GLIS3: variants seen among roughly 807,000 people sequenced by gnomAD.
GLIS3 encodes the protein zinc finger protein GLIS3.
A neutral mutation model predicts 78.6 loss-of-function variants in GLIS3; 53 were observed. The ratio of observed to expected loss-of-function variants is 0.67; its 90% CI spans 0.54 to 0.85. The LOEUF (loss-of-function observed/expected upper bound fraction) is 0.85, where lower values mean the gene tolerates loss of function less well. Ranked by LOEUF, GLIS3 falls within the 40% of genes least tolerant of loss-of-function variation. The pLI is 0.00. For missense variants in GLIS3, 1,703 were observed against 1,231.1 expected (o/e 1.38, Z -5.74); for synonymous variants, 684 against 509.9 (o/e 1.34, Z -4.60).
chr9:4,311,211 C>A (rs868081159), intron 2 of GLIS3, among the ~76,000 whole-genome samples: 1 of 152,150 alleles, frequency 6.6e-6, no homozygotes, highest in Non-Finnish European at 1.5e-5. Flanking sequence ...GAGTTCAAGA[C>A]CAGCCTGGCC....
intron 2 of GLIS3, among the ~76,000 whole-genome samples, chr9:4,332,354 G>A (rs1817699000): frequency 1.3e-5 from 2 of 152,184 alleles, no homozygotes; most frequent in Admixed American, 1.3e-4. Context: ...CTTCCTCTCA[G>A]TGACAGAAGC....
chr9:4,265,897 G>GTTTTTTTT (rs148160187), intron 2 of GLIS3, among the ~76,000 whole-genome samples: 12 of 120,666 alleles, frequency 9.9e-5, no homozygotes, highest in South Asian at 3.1e-4. Context: ...ACTCACCCTG[G>GTTTTTTTT]TTTTTTTTTT....
chr9:3,879,369 T>C, intron 8 of GLIS3, 58 bp downstream of exon 8: 1 of 1,525,808 alleles, frequency 6.6e-7, no homozygotes, highest in Admixed American at 1.7e-5. Flanking sequence ...AAGGCACTTG[T>C]CTGTGAAGGG....
intron 4 of GLIS3, among the ~76,000 whole-genome samples, chr9:4,063,640 A>G (rs1826841549): frequency 6.6e-6 from 1 of 152,232 alleles, no homozygotes; most frequent in Admixed American, 6.5e-5. Flanking sequence ...ACTCACTACT[A>G]GAACTCAATA....
chr9:4,091,907 G>T (rs1307775367), intron 4 of GLIS3, among the ~76,000 whole-genome samples: 1 of 152,000 alleles, frequency 6.6e-6, no homozygotes, highest in Non-Finnish European at 1.5e-5. Context: ...CACAGAAAAG[G>T]TACAGTAAAA....
At chr9:4,088,950 G>C (rs1465204790) in intron 4 of GLIS3, among the ~76,000 whole-genome samples, 1 of 152,216 alleles carries the variant, frequency 6.6e-6, no homozygotes, top group African/African-American at 2.4e-5. Context: ...GGAATAGACA[G>C]CTCCTCAGAT....
intron 4 of GLIS3, among the ~76,000 whole-genome samples, chr9:4,081,703 C>A (rs150736185): frequency 6.6e-6 from 1 of 152,214 alleles, no homozygotes; most frequent in South Asian, 2.1e-4. Context: ...AGACTATAAA[C>A]TCCTCACTGC....
At chr9:4,123,888 T>C in intron 3 of GLIS3, 1 of 397,662 alleles carries the variant, frequency 2.5e-6, no homozygotes, top group Non-Finnish European at 4.4e-6. Context: ...ACAATACATT[T>C]TGCAGCTTTT....
the GLIS3 span, among the ~76,000 whole-genome samples, chr9:4,383,809 T>C: frequency 6.6e-6 from 1 of 152,332 alleles, no homozygotes; most frequent in South Asian, 2.1e-4. Context: ...ACTTCTATGT[T>C]CAGAAGTTTA....
At chr9:4,463,327 G>A in the GLIS3 span, among the ~76,000 whole-genome samples, 1 of 152,158 alleles carries the variant, frequency 6.6e-6, no homozygotes, top group Non-Finnish European at 1.5e-5. Flanking sequence ...AGAAAAAGGG[G>A]AAAGAGAGAA....
At chr9:4,146,809 C>G (rs1349260582) in intron 2 of GLIS3, among the ~76,000 whole-genome samples, 9 of 152,148 alleles carry the variant, frequency 5.9e-5, no homozygotes, top group Admixed American at 5.2e-4. Context: ...TCTAGATAAA[C>G]ACAGCAAAGA....
At chr9:4,006,599 C>T (rs966301785) in intron 4 of GLIS3, among the ~76,000 whole-genome samples, 3 of 152,146 alleles carry the variant, frequency 2.0e-5, no homozygotes, top group Admixed American at 6.5e-5. Flanking sequence ...GCATTAAGTA[C>T]TCAGACCAAT....
At chr9:4,362,444 C>T in the GLIS3 span, among the ~76,000 whole-genome samples, 1 of 152,170 alleles carries the variant, frequency 6.6e-6, no homozygotes, top group African/African-American at 2.4e-5. Flanking sequence ...TCAGCTGAAG[C>T]TCCCTTTGTA....
chr9:4,476,837 G>A, the GLIS3 span, among the ~76,000 whole-genome samples: 80 of 152,140 alleles, frequency 5.3e-4, 1 homozygote, highest in Non-Finnish European at 7.5e-4. Context: ...AATCCTAAAA[G>A]CTTAAATTTG....
chr9:4,389,954 C>T, the GLIS3 span, among the ~76,000 whole-genome samples: 13 of 152,298 alleles, frequency 8.5e-5, no homozygotes, highest in East Asian at 3.9e-4. Flanking sequence ...ACATATAGAA[C>T]GTTCTAAGAC....
chr9:3,964,832 A>C (rs900234480), intron 4 of GLIS3, among the ~76,000 whole-genome samples: 11 of 152,192 alleles, frequency 7.2e-5, no homozygotes, highest in African/African-American at 2.7e-4. Context: ...TAAGGAAATT[A>C]TGGTGCTCAA....
chr9:4,082,933 G>C (rs1828683327), intron 4 of GLIS3, among the ~76,000 whole-genome samples: 1 of 152,002 alleles, frequency 6.6e-6, no homozygotes, highest in South Asian at 2.1e-4. Flanking sequence ...GTTATGTTTT[G>C]GGGCTCAATG....
At position 4,072,699 on chromosome 9, in the gene GLIS3, G is replaced by C. The variant is rs545843965; in HGVS notation, c.1710+45069C>G. Among the ~76,000 whole-genome samples the C allele has an allele frequency of 9.2e-5, 14 of 151,544 alleles. No homozygotes were observed. The East Asian group carries it at 2.5e-3, about 27-fold the overall frequency. Reference sequence around the variant, plus strand: ...TTAATGACATCCTGCTTATTACCGAGATTTCTGCACATGACAGGGTATTGG... The same window carrying C: ...TTAATGACATCCTGCTTATTACCGACATTTCTGCACATGACAGGGTATTGG... On this transcript the variant is annotated intron_variant, in intron 4 of 10. Coordinates refer to ENST00000381971, the MANE Select transcript of GLIS3 (RefSeq NM_001042413.2).
intron 4 of GLIS3, among the ~76,000 whole-genome samples, chr9:3,996,651 G>A (rs528325028): frequency 6.0e-4 from 92 of 152,220 alleles, no homozygotes; most frequent in African/African-American, 2.1e-3. Context: ...AAACTAACCT[G>A]AAATAGTAGA....
Sources: allele counts gnomAD v4.1 joint callset (sites outside exome capture counted in the v4.1 genomes callset), GRCh38; gene constraint gnomAD v4.1.1; transcripts MANE v1.5; gene names NCBI Gene and HGNC (gene_info 2026-07-23, HGNC 2026-07-21).